The following HDAC8 variants were observed in gnomAD, a reference collection of about 807,000 sequenced individuals.
HDAC8 encodes the protein histone deacetylase 8.
HDAC8 carries 1 observed loss-of-function variant against 32.2 expected under a neutral mutation model. That is an observed-to-expected ratio of 0.03 (90% confidence interval 0.01 to 0.15). The LOEUF (loss-of-function observed/expected upper bound fraction) is 0.15, where lower values mean the gene tolerates loss of function less well. Among genes scored for constraint, HDAC8 ranks in the 10% least tolerant of loss-of-function variants. HDAC8 has a pLI of 1.00. For missense variants in HDAC8, 117 were observed against 300.0 expected (o/e 0.39, Z 4.51); for synonymous variants, 108 against 113.9 (o/e 0.95, Z 0.33).
intron 9 of HDAC8, among the ~76,000 whole-genome samples, chrX:72,428,124 C>T (rs1439288350): frequency 9.0e-6 from 1 of 111,458 alleles, no homozygotes; most frequent in South Asian, 3.8e-4. Flanking sequence ...GACGGAGTCT[C>T]GCTCTGTCAC....
At chrX:72,462,601 T>C (rs143013372) in intron 8 of HDAC8, among the ~76,000 whole-genome samples, 33 of 112,422 alleles carry the variant, frequency 2.9e-4, no homozygotes, top group African/African-American at 9.0e-4. Context: ...CTTCTTTTGA[T>C]GTCAGCATTC....
At chrX:72,530,150 C>T (rs2050283889) in intron 4 of HDAC8, among the ~76,000 whole-genome samples, 2 of 112,085 alleles carry the variant, frequency 1.8e-5, no homozygotes, top group Admixed American at 1.9e-4. Context: ...AGCCTAAAAG[C>T]CTTGAAAATG....
At chrX:72,454,909 A>T (rs1230459827) in intron 9 of HDAC8, among the ~76,000 whole-genome samples, 3 of 112,571 alleles carry the variant, frequency 2.7e-5, no homozygotes, top group Non-Finnish European at 5.6e-5. Flanking sequence ...TGTTTATTTA[A>T]ACATTTAGCT....
chrX:72,564,074 C>T (rs781888736), intron 4 of HDAC8, among the ~76,000 whole-genome samples: 123 of 111,017 alleles, frequency 1.1e-3, no homozygotes, highest in Non-Finnish European at 1.9e-3. Context: ...GCAGGAGAAT[C>T]GCTTGAACCC....
chrX:72,443,170 C>G (rs1170296194), intron 9 of HDAC8, among the ~76,000 whole-genome samples: 1 of 111,075 alleles, frequency 9.0e-6, no homozygotes, highest in East Asian at 2.8e-4. Flanking sequence ...GAACTCAGCT[C>G]TCCACCAAGC....
At chrX:72,473,841 A>G in intron 7 of HDAC8, 5 of 754,469 alleles carry the variant, frequency 6.6e-6, no homozygotes, top group Non-Finnish European at 7.8e-6. Context: ...GTGGCTCCCA[A>G]AATGTTTACA....
At chrX:72,529,197 C>A (rs970058353) in intron 4 of HDAC8, among the ~76,000 whole-genome samples, 6 of 112,106 alleles carry the variant, frequency 5.4e-5, no homozygotes, top group Non-Finnish European at 1.1e-4. Context: ...CTAAAGATAC[C>A]CATGTCTTAA....
intron 7 of HDAC8, among the ~76,000 whole-genome samples, chrX:72,475,294 A>G (rs782370216): frequency 1.8e-5 from 2 of 112,415 alleles, no homozygotes; most frequent in African/African-American, 3.2e-5. Flanking sequence ...TGAATTCTCA[A>G]TGTCAGCCTG....
intron 4 of HDAC8, among the ~76,000 whole-genome samples, chrX:72,537,693 T>C (rs1200592168): frequency 2.7e-5 from 3 of 112,257 alleles, no homozygotes; most frequent in African/African-American, 9.7e-5. Context: ...AGTCCATAGT[T>C]ACCAGTTGAC....
chrX:72,474,769 C>A (rs993512550), intron 7 of HDAC8: 11 of 860,825 alleles, frequency 1.3e-5, no homozygotes, highest in Non-Finnish European at 1.9e-5. Flanking sequence ...ATTAATGATG[C>A]TTTTGGATAA....
At chrX:72,491,460 A>G (rs1262992670) in intron 5 of HDAC8, among the ~76,000 whole-genome samples, 1 of 112,469 alleles carries the variant, frequency 8.9e-6, no homozygotes, top group Non-Finnish European at 1.9e-5. Context: ...GTACAACGTG[A>G]TAACCCTTTG....
chrX:72,384,587 T>C (rs2045366928), intron 9 of HDAC8, among the ~76,000 whole-genome samples: 1 of 111,717 alleles, frequency 9.0e-6, no homozygotes, highest in African/African-American at 3.3e-5. Context: ...CCGCCCTAAC[T>C]TTGGAGGCTA....
intron 4 of HDAC8, among the ~76,000 whole-genome samples, chrX:72,526,340 C>A (rs1219657905): frequency 2.7e-5 from 3 of 110,308 alleles, no homozygotes; most frequent in Non-Finnish European, 5.7e-5. Context: ...GACAGCACAT[C>A]ACCTGGGAAG....
chrX:72,445,048 GA>G (rs1447105631), intron 9 of HDAC8, among the ~76,000 whole-genome samples: 1 of 107,896 alleles, frequency 9.3e-6, no homozygotes, highest in African/African-American at 3.4e-5. Flanking sequence ...CAAACAAATG[GA>G]AGAACATTCC....
intron 4 of HDAC8, among the ~76,000 whole-genome samples, chrX:72,502,267 C>T (rs1199329163): frequency 1.8e-5 from 2 of 112,053 alleles, no homozygotes; most frequent in Non-Finnish European, 3.8e-5. Flanking sequence ...AATCCCACTA[C>T]TGTGTATATA....
At chrX:72,432,919 A>G (rs2046858118) in intron 9 of HDAC8, among the ~76,000 whole-genome samples, 1 of 111,710 alleles carries the variant, frequency 9.0e-6, no homozygotes, top group Non-Finnish European at 1.9e-5. Context: ...TCAATAAAGC[A>G]GAGGGGCTAT....
intron 4 of HDAC8, among the ~76,000 whole-genome samples, chrX:72,514,634 A>G (rs1556023797): frequency 1.8e-5 from 2 of 111,836 alleles, no homozygotes; most frequent in Non-Finnish European, 3.8e-5. Context: ...CCAGAACCCT[A>G]TGTATTTAGC....
At chrX:72,537,952 T>C (rs782752550) in intron 4 of HDAC8, among the ~76,000 whole-genome samples, 1 of 111,765 alleles carries the variant, frequency 8.9e-6, no homozygotes, top group Non-Finnish European at 1.9e-5. Context: ...AGGAAGTGAA[T>C]GCAGCTTACT....
intron 9 of HDAC8, among the ~76,000 whole-genome samples, chrX:72,374,156 C>T (rs782217898): frequency 9.0e-6 from 1 of 111,605 alleles, no homozygotes; most frequent in Non-Finnish European, 1.9e-5. Context: ...GCAATCCTCC[C>T]CGCCTCAGCC....
Sources: allele counts gnomAD v4.1 joint callset (sites outside exome capture counted in the v4.1 genomes callset), GRCh38; gene constraint gnomAD v4.1.1; transcripts MANE v1.5; gene names NCBI Gene and HGNC (gene_info 2026-07-23, HGNC 2026-07-21).